UGP2: variants seen among roughly 807,000 people sequenced by gnomAD.
UGP2 encodes the protein UTP--glucose-1-phosphate uridylyltransferase.
Under a neutral mutation model 49.0 loss-of-function variants are expected in UGP2, and 40 were observed. That is an observed-to-expected ratio of 0.82 (90% CI 0.63 to 1.06). The LOEUF is 1.06. Among genes scored for constraint, UGP2 ranks in the 50% least tolerant of loss-of-function variants. The pLI, the probability that UGP2 is intolerant of heterozygous loss-of-function variation, is 0.00. For missense variants in UGP2, 460 were observed against 603.5 expected (o/e 0.76, Z 2.49); for synonymous variants, 225 against 213.0 (o/e 1.06, Z -0.49).
chr2:63,882,784 G>T, intron 4 of UGP2, 133 bp downstream of exon 4: 1 of 1,030,248 alleles, frequency 9.7e-7, no homozygotes, highest in East Asian at 2.8e-5. Context: ...TCTCTTTATT[G>T]GTGGAAAAAA....
At chr2:63,888,159 G>GGGT (rs1671817318) in intron 8 of UGP2, 1 of 154,880 alleles carries the variant, frequency 6.5e-6, no homozygotes, top group African/African-American at 2.4e-5. Context: ...GGAGGTGGCG[G>GGGT]GGTGGTGTTG....
intron 1 of UGP2, chr2:63,855,527 T>TTG (rs1669345442): frequency 3.5e-6 from 1 of 285,822 alleles, no homozygotes; most frequent in Non-Finnish European, 7.0e-6. Flanking sequence ...TCTGTTTTTT[T>TTG]TTTTTTTTTT....
At chr2:63,881,039 T>C (rs943020202) in intron 3 of UGP2, among the ~76,000 whole-genome samples, 3 of 152,162 alleles carry the variant, frequency 2.0e-5, no homozygotes, top group African/African-American at 7.2e-5. Context: ...TTAGTGATGA[T>C]TGGAGCAATA....
intron 3 of UGP2, among the ~76,000 whole-genome samples, chr2:63,862,408 A>G (rs1020188438): frequency 2.0e-5 from 3 of 152,178 alleles, no homozygotes; most frequent in Admixed American, 2.0e-4. Context: ...TGAATTGAAC[A>G]GTTTTTGAAT....
chr2:63,887,264 C>CAA (rs371097150), intron 7 of UGP2, 138 bp from the exon 8 acceptor site: 1,984 of 852,432 alleles, frequency 2.3e-3, no homozygotes, highest in Non-Finnish European at 2.6e-3. Flanking sequence ...GACTCCTTCT[C>CAA]AAAAAAAAAA....
At position 63,842,221 on chromosome 2, in the gene UGP2, C is replaced by G; in HGVS notation, c.19+17C>G. The stretch of plus-strand genomic sequence containing the variant: ...TTGTACAAGGTAAGAAATGCTGCTG[C>G]TTATATCCCGAGTTGCTTCAGGCAA... On this transcript the variant is annotated intron_variant, in intron 1 of 9. Coordinates refer to ENST00000337130, the MANE Select transcript of UGP2 (RefSeq NM_006759.4). 1 of 1,609,176 alleles carries G rather than the reference C, an allele frequency of 6.2e-7. No individual in the cohort carries two copies. Among genetic ancestry groups the G allele is most frequent in the South Asian group, 1.1e-5 (1 of 90,248 alleles).
chr2:63,885,808 T>A lies in UGP2; in HGVS notation c.795T>A (p.Asn265Lys). The A allele has an allele frequency of 1.2e-6, 2 of 1,612,152 alleles. No homozygotes were observed. Among genetic ancestry groups the A allele is most frequent in the Non-Finnish European group, 1.7e-6 (2 of 1,179,372 alleles). ...CCACAGTGGATCTGTATATTCTTAATCATCTAATGAACCCACCCAATGGAA... is the reference window on the plus strand; with the variant it reads ...CCACAGTGGATCTGTATATTCTTAAACATCTAATGAACCCACCCAATGGAA... ...LGATVDLYIL[N>K]HLMNPPNGKR... The change falls in exon 6 of 10, where the codon AAT becomes AAA. Residue 265 changes from asparagine to lysine, a missense_variant. Asn to Lys is a moderately conservative substitution (Grantham distance 94). Coordinates refer to ENST00000337130, the MANE Select transcript of UGP2 (RefSeq NM_006759.4).
chr2:63,842,224 A>C lies in UGP2; in HGVS notation c.19+20A>C, dbSNP rs975622276. 1 of 1,609,588 alleles carries C rather than the reference A, an allele frequency of 6.2e-7. No homozygotes were observed. The highest frequency in any genetic ancestry group is 8.5e-7 in the Non-Finnish European group (1 of 1,178,818). ...TACAAGGTAAGAAATGCTGCTGCTTATATCCCGAGTTGCTTCAGGCAAATT... is the reference window on the plus strand; with the variant it reads ...TACAAGGTAAGAAATGCTGCTGCTTCTATCCCGAGTTGCTTCAGGCAAATT... On this transcript the variant is annotated intron_variant, in intron 1 of 9. Transcript: ENST00000337130.
intron 3 of UGP2, among the ~76,000 whole-genome samples, chr2:63,879,257 T>TA (rs1671133293): frequency 6.6e-6 from 1 of 152,206 alleles, no homozygotes; most frequent in African/African-American, 2.4e-5. Context: ...GATACCTATC[T>TA]AATGTACTGA....
At chr2:63,887,273 A>T (rs1671748675) in intron 7 of UGP2, 129 bp from the exon 8 acceptor site, 2 of 1,400,222 alleles carry the variant, frequency 1.4e-6, no homozygotes, top group Admixed American at 4.6e-5. Flanking sequence ...TCAAAAAAAA[A>T]AAAAAATTTT....
intron 1 of UGP2, among the ~76,000 whole-genome samples, chr2:63,849,078 T>C (rs1668869801): frequency 6.6e-6 from 1 of 152,262 alleles, no homozygotes; most frequent in African/African-American, 2.4e-5. Flanking sequence ...TAAACATTTT[T>C]AGATATTTCT....
chr2:63,891,324 T>TGCAGG lies in UGP2; in HGVS notation c.*98_*99insCAGGG. On this transcript the variant is annotated 3_prime_UTR_variant, in exon 10 of 10. Coordinates refer to ENST00000337130, the MANE Select transcript of UGP2 (RefSeq NM_006759.4). ...ATAGGCAGGTACTTTACTATGTTAC[T>TGCAGG]GTACCCTGCAGTGTTGATTTTTAAA... is the stretch of plus-strand genomic sequence containing the variant. The TGCAGG allele has an allele frequency of 9.9e-7, 1 of 1,005,064 alleles. No individual in the cohort carries two copies. Among genetic ancestry groups the TGCAGG allele is most frequent in the South Asian group, 1.6e-5 (1 of 63,352 alleles). 62.3% of individuals were successfully genotyped at this position (1,005,064 alleles called of 1,614,324 possible).
chr2:63,882,507 T>G lies in UGP2; in HGVS notation c.297T>G (p.Asp99Glu). The G allele has an allele frequency of 6.2e-7, 1 of 1,609,396 alleles. No homozygotes were observed. The highest frequency in any genetic ancestry group is 8.5e-7 in the Non-Finnish European group (1 of 1,176,672). The change falls in exon 4 of 10, where the codon GAT becomes GAG. Residue 99 changes from aspartate to glutamate, a missense_variant. Transcript: ENST00000337130. ...YEKIKARGLP[D>E]NISSVLNKLV... ...AGATAAAGGCCAGGGGCTTGCCTGA[T>G]AATATATCTTCCGTGTTGAACAAAC...
At chr2:63,886,560 T>C (rs752370450) in intron 7 of UGP2, 22 bp downstream of exon 7, 6 of 1,612,902 alleles carry the variant, frequency 3.7e-6, no homozygotes, top group East Asian at 2.2e-5. Context: ...TTGTGGCCCA[T>C]TGAGCTTCCT....
intron 5 of UGP2, among the ~76,000 whole-genome samples, chr2:63,884,612 A>T (rs1671531052): frequency 6.6e-6 from 1 of 152,296 alleles, no homozygotes; most frequent in South Asian, 2.1e-4. Context: ...ATGAACTTGT[A>T]CAGAAGGGAT....
chr2:63,842,393 T>C, intron 1 of UGP2, 189 bp downstream of exon 1: 1 of 1,594,706 alleles, frequency 6.3e-7, no homozygotes, highest in Non-Finnish European at 8.5e-7. Context: ...GTATAATTTA[T>C]GCTCCTGTAC....
chr2:63,891,475 G>T lies in UGP2; in HGVS notation c.*248G>T. The T allele has an allele frequency of 3.5e-6, 1 of 286,216 alleles. No homozygotes were observed. Among genetic ancestry groups the T allele is most frequent in the Non-Finnish European group, 6.5e-6 (1 of 154,798 alleles). The allele number at this position is 286,216 out of a possible 1,614,324, so 17.7% of individuals were successfully genotyped here. On this transcript the variant is annotated 3_prime_UTR_variant, in exon 10 of 10. Transcript: ENST00000337130. Reference sequence around the variant, plus strand: ...GCAATATTGTTTAATCTTAAAACTGGGCAACTTTGGAAGAACTTTTAACAG... The same window carrying T: ...GCAATATTGTTTAATCTTAAAACTGTGCAACTTTGGAAGAACTTTTAACAG...
intron 5 of UGP2, 79 bp from the exon 6 acceptor site, chr2:63,885,510 C>T: frequency 8.8e-7 from 1 of 1,132,632 alleles, no homozygotes; most frequent in Non-Finnish European, 1.2e-6. Flanking sequence ...TTTTATTTAA[C>T]TTTAATGTAT....
At chr2:63,861,911 AC>A (rs779886910) in intron 3 of UGP2, among the ~76,000 whole-genome samples, 13 of 152,106 alleles carry the variant, frequency 8.5e-5, no homozygotes, top group Non-Finnish European at 1.9e-4. Context: ...AATACAAAAA[AC>A]ATTAAAAGCT....
Sources: allele counts gnomAD v4.1 joint callset (sites outside exome capture counted in the v4.1 genomes callset), GRCh38; gene constraint gnomAD v4.1.1; transcripts MANE v1.5; gene names NCBI Gene and HGNC (gene_info 2026-07-23, HGNC 2026-07-21).